The following ESRRG variants were observed in gnomAD, a reference collection of about 807,000 sequenced individuals.
ESRRG encodes the protein estrogen related receptor gamma, also known as estrogen-related receptor gamma.
Under a neutral mutation model 44.0 loss-of-function variants are expected in ESRRG, and 13 were observed. The ratio of observed to expected loss-of-function variants is 0.30; its 90% CI spans 0.19 to 0.47. The LOEUF (loss-of-function observed/expected upper bound fraction) is 0.47, where lower values mean the gene tolerates loss of function less well. Among genes scored for constraint, ESRRG ranks in the 20% least tolerant of loss-of-function variants. The pLI is 1.00. For synonymous variants in ESRRG, 215 were observed against 214.6 expected (o/e 1.00, Z -0.02); for missense variants, 395 against 580.6 (o/e 0.68, Z 3.29).
chr1:216,749,586 C>T (rs779164472), intron 2 of ESRRG, among the ~76,000 whole-genome samples: 3 of 152,084 alleles, frequency 2.0e-5, no homozygotes, highest in Non-Finnish European at 4.4e-5. Flanking sequence ...AATGTAATTC[C>T]AAATGATTTG....
At chr1:216,971,950 G>A (rs76880297) in intron 1 of ESRRG, among the ~76,000 whole-genome samples, 239 of 152,276 alleles carry the variant, frequency 1.6e-3, no homozygotes, top group African/African-American at 5.6e-3. Context: ...ATTTGTAGCA[G>A]CAAATTGATT....
intron 3 of ESRRG, among the ~76,000 whole-genome samples, chr1:216,633,282 C>G (rs1255368674): frequency 1.3e-5 from 2 of 152,192 alleles, no homozygotes; most frequent in Non-Finnish European, 1.5e-5. Flanking sequence ...GCGGAGGAGA[C>G]AGCATGAGCA....
chr1:216,539,876 A>G (rs1278407602), intron 5 of ESRRG, among the ~76,000 whole-genome samples: 2 of 152,090 alleles, frequency 1.3e-5, no homozygotes, highest in East Asian at 3.9e-4. Flanking sequence ...GTAAAAATAC[A>G]TACAAAATTC....
At chr1:216,521,789 G>T (rs1455455641) in intron 5 of ESRRG, among the ~76,000 whole-genome samples, 4 of 152,102 alleles carry the variant, frequency 2.6e-5, no homozygotes, top group Admixed American at 1.3e-4. Context: ...GTTGTCAGGG[G>T]GGTGCAGGCA....
intron 2 of ESRRG, among the ~76,000 whole-genome samples, chr1:216,825,011 G>A (rs965704413): frequency 4.6e-5 from 7 of 152,180 alleles, no homozygotes; most frequent in Admixed American, 6.5e-5. Context: ...ATGTGTCACA[G>A]TGACAGAGGC....
At chr1:216,659,566 C>T (rs2071709227) in intron 2 of ESRRG, among the ~76,000 whole-genome samples, 1 of 152,162 alleles carries the variant, frequency 6.6e-6, no homozygotes, top group South Asian at 2.1e-4. Context: ...GCCACAGTCC[C>T]AGGTCGACTT....
chr1:216,811,241 T>C (rs1425945105), intron 2 of ESRRG, among the ~76,000 whole-genome samples: 1 of 151,970 alleles, frequency 6.6e-6, no homozygotes, highest in Non-Finnish European at 1.5e-5. Context: ...GTCGTTATCA[T>C]CTCTTTATGA....
rs550591769 is a variant in ESRRG at position 216,742,107 on chromosome 1, C to T, written c.-13-64616G>A. ...ACCCTCTTTCCTGGCAAGTTTCCCA[C>T]AAGTCTGCTTCACAGAGCCTGGGTA... On this transcript the variant is annotated intron_variant, in intron 2 of 7. Coordinates refer to the ESRRG transcript ENST00000359162. Among the ~76,000 whole-genome samples, 814 of 152,288 alleles carry T rather than the reference C, an allele frequency of 5.3e-3. 3 individuals carry two copies. The highest frequency in any genetic ancestry group is 0.03 in the South Asian group (147 of 4,828).
intron 1 of ESRRG, among the ~76,000 whole-genome samples, chr1:217,039,537 C>T (rs528618638): frequency 8.5e-5 from 13 of 152,144 alleles, no homozygotes; most frequent in African/African-American, 1.2e-4. Context: ...CATCAGCTCT[C>T]GTGAGACCCA....
rs184591891 is a variant in ESRRG at position 216,505,653 on chromosome 1, T to C, written c.*1286A>G. On this transcript the variant is annotated 3_prime_UTR_variant, in exon 7 of 7. Coordinates refer to ENST00000408911, the MANE Select transcript of ESRRG (RefSeq NM_001438.4). ...GACAATTCTACGGATCTATATCTCA[T>C]GTGCAGTGCTTATATATGTGACTAC... is the stretch of plus-strand genomic sequence containing the variant. The C allele has an allele frequency of 3.8e-3, 575 of 152,692 alleles. 3 individuals carry two copies. Among genetic ancestry groups the C allele is most frequent in the Non-Finnish European group, 3.0e-3 (204 of 68,034 alleles). The allele number at this position is 152,692 out of a possible 1,614,324, so 9.5% of individuals were successfully genotyped here.
rs139463714 is a variant in ESRRG, at chr1:216,877,385, TTTTGTTTGTTTG to T, written c.-14+62185_-14+62196del. On this transcript the variant is annotated intron_variant, in intron 2 of 7. Coordinates refer to the ESRRG transcript ENST00000359162. The stretch of plus-strand genomic sequence containing the variant: ...GCTTTTTTATAGGTATGGTGTTTTT[TTTTGTTTGTTTG>T]TTTGTTTGTTTGTTTGTTTGTTTTG... 7.4e-4 allele frequency among the ~76,000 whole-genome samples: 39 copies of T among 52,358 alleles called. No individual in the cohort carries two copies. The South Asian group carries it at 0.017, about 22-fold the overall frequency. 34.3% of individuals were successfully genotyped at this position (52,358 alleles called of 152,430 possible).
At chr1:216,750,219 G>T (rs188806793) in intron 2 of ESRRG, among the ~76,000 whole-genome samples, 4 of 152,208 alleles carry the variant, frequency 2.6e-5, no homozygotes, top group African/African-American at 7.2e-5. Context: ...ACAATAGAGG[G>T]CACTGATGCT....
At chr1:217,040,530 C>T (rs1394140502) in intron 1 of ESRRG, among the ~76,000 whole-genome samples, 1 of 152,270 alleles carries the variant, frequency 6.6e-6, no homozygotes, top group South Asian at 2.1e-4. Context: ...TAAGCTTTTT[C>T]AGCAATAAGT....
At chr1:217,032,359 G>A (rs758092885) in intron 1 of ESRRG, among the ~76,000 whole-genome samples, 1 of 152,116 alleles carries the variant, frequency 6.6e-6, no homozygotes, top group Non-Finnish European at 1.5e-5. Context: ...TGAGTAGATA[G>A]TGCATTCTTC....
chr1:216,897,284 T>C (rs945520493), intron 2 of ESRRG, among the ~76,000 whole-genome samples: 3 of 152,190 alleles, frequency 2.0e-5, no homozygotes, highest in Non-Finnish European at 4.4e-5. Context: ...CATTTTTGCC[T>C]TAGTTGACCT....
At chr1:216,543,645 G>A (rs952272968) in intron 5 of ESRRG, among the ~76,000 whole-genome samples, 2 of 151,922 alleles carry the variant, frequency 1.3e-5, no homozygotes, top group African/African-American at 4.8e-5. Flanking sequence ...GCTTCACTAC[G>A]AAAGCTATGA....
intron 3 of ESRRG, among the ~76,000 whole-genome samples, chr1:216,596,412 T>C (rs2058448533): frequency 1.3e-5 from 2 of 152,094 alleles, no homozygotes; most frequent in African/African-American, 2.4e-5. Flanking sequence ...AGGAGGATGT[T>C]TGAAAGGGAT....
intron 1 of ESRRG, among the ~76,000 whole-genome samples, chr1:216,948,414 T>C (rs898621945): frequency 1.9e-4 from 27 of 145,380 alleles, no homozygotes; most frequent in African/African-American, 6.9e-4. Context: ...GAGGCAGAGA[T>C]TGCAGTGAGC....
chr1:216,689,028 T>A (rs2078563725), intron 1 of ESRRG, among the ~76,000 whole-genome samples: 1 of 152,214 alleles, frequency 6.6e-6, no homozygotes, highest in African/African-American at 2.4e-5. Flanking sequence ...CACATCCTTT[T>A]GATTCGCCAT....
Sources: allele counts gnomAD v4.1 joint callset (sites outside exome capture counted in the v4.1 genomes callset), GRCh38; gene constraint gnomAD v4.1.1; transcripts MANE v1.5; gene names NCBI Gene and HGNC (gene_info 2026-07-23, HGNC 2026-07-21).